BCL11A: variants seen among roughly 807,000 people sequenced by gnomAD.
BCL11A encodes B cell CLL/lymphoma 11A.
Under a neutral mutation model 55.9 loss-of-function variants are expected in BCL11A, and 2 were observed. The ratio of observed to expected loss-of-function variants is 0.04; its 90% CI spans 0.01 to 0.11. The LOEUF (loss-of-function observed/expected upper bound fraction) is 0.11, where lower values mean the gene tolerates loss of function less well. Among genes scored for constraint, BCL11A ranks in the 10% least tolerant of loss-of-function variants. BCL11A has a pLI of 1.00. For missense variants in BCL11A, 817 were observed against 1,137.1 expected (o/e 0.72, Z 4.05); for synonymous variants, 465 against 473.4 (o/e 0.98, Z 0.23).
chr2:60,504,428 C>T (rs1027206835), intron 2 of BCL11A, among the ~76,000 whole-genome samples: 9 of 152,202 alleles, frequency 5.9e-5, no homozygotes, highest in Admixed American at 6.5e-5. Context: ...TCCTCCTGGC[C>T]AGCCTGCTCT....
chr2:60,454,944 C>T (rs1675874539), downstream of BCL11A, among the ~76,000 whole-genome samples: 1 of 152,236 alleles, frequency 6.6e-6, no homozygotes, highest in African/African-American at 2.4e-5. Flanking sequence ...AACTACTTCA[C>T]ACTTTCTGCC....
intron 2 of BCL11A, among the ~76,000 whole-genome samples, chr2:60,505,245 G>T (rs1339515204): frequency 6.6e-6 from 1 of 152,236 alleles, no homozygotes. Flanking sequence ...AAAGCTAGAG[G>T]ATCGGAGAGA....
At chr2:60,525,103 C>A (rs1364880219) in intron 2 of BCL11A, 1 of 152,194 alleles carries the variant, frequency 6.6e-6, no homozygotes, top group African/African-American at 2.4e-5. Context: ...CATATGTAGG[C>A]TATGTCCATA....
At chr2:60,476,667 C>T (rs1279822469) in intron 2 of BCL11A, among the ~76,000 whole-genome samples, 1 of 152,228 alleles carries the variant, frequency 6.6e-6, no homozygotes, top group Non-Finnish European at 1.5e-5. Flanking sequence ...CTTCCAGGCT[C>T]ATTGAAAATT....
intron 2 of BCL11A, among the ~76,000 whole-genome samples, chr2:60,515,414 G>T (rs1668687210): frequency 6.6e-6 from 1 of 152,054 alleles, no homozygotes; most frequent in Non-Finnish European, 1.5e-5. Flanking sequence ...CACCAAGAAG[G>T]CACAAAAAAT....
At chr2:60,502,500 T>C (rs7582255) in intron 2 of BCL11A, among the ~76,000 whole-genome samples, 144 of 152,356 alleles carry the variant, frequency 9.5e-4, no homozygotes, top group African/African-American at 3.4e-3. Context: ...ACTTTGTACA[T>C]ACAATTCTGG....
intron 2 of BCL11A, among the ~76,000 whole-genome samples, chr2:60,529,050 C>G (rs549605643): frequency 6.6e-6 from 1 of 152,182 alleles, no homozygotes; most frequent in Non-Finnish European, 1.5e-5. Flanking sequence ...AGGCAACACA[C>G]GTCTATGGGG....
chr2:60,492,544 C>T (rs1481478905), intron 2 of BCL11A, among the ~76,000 whole-genome samples: 2 of 152,102 alleles, frequency 1.3e-5, no homozygotes, highest in Non-Finnish European at 2.9e-5. Context: ...CTCACATACT[C>T]ACCAGTACTC....
chr2:60,543,931 T>C (rs1433181011), intron 2 of BCL11A: 1 of 152,240 alleles, frequency 6.6e-6, no homozygotes, highest in Non-Finnish European at 1.5e-5. Context: ...ATACTTGTTC[T>C]TTAAAAAAAT....
Position 60,458,423 on chromosome 2 carries a change from T to A in BCL11A, c.*1981A>T, listed in dbSNP as rs1676047449. On this transcript the variant is annotated 3_prime_UTR_variant, in exon 4 of 4. Coordinates refer to ENST00000642384, the MANE Select transcript of BCL11A (RefSeq NM_022893.4). ...CCCCTAAACATAATGAAGTGTTTTT[T>A]AAAAAAAATTTTTCTTAACATTTAT... 2 of 1,020,666 alleles carry A rather than the reference T, an allele frequency of 2.0e-6. No homozygotes were observed. The highest frequency in any genetic ancestry group is 2.4e-6 in the Non-Finnish European group (2 of 849,606). 63.2% of individuals were successfully genotyped at this position (1,020,666 alleles called of 1,614,324 possible).
chr2:60,552,682 C>T (rs1670469102), intron 1 of BCL11A, among the ~76,000 whole-genome samples: 1 of 152,172 alleles, frequency 6.6e-6, no homozygotes, highest in Non-Finnish European at 1.5e-5. Context: ...GCACACTTGA[C>T]CGTGAGCGCG....
chr2:60,469,872 T>G (rs1045955105), intron 2 of BCL11A, among the ~76,000 whole-genome samples: 1 of 152,072 alleles, frequency 6.6e-6, no homozygotes, highest in Admixed American at 6.6e-5. Context: ...GTTCTAGAGG[T>G]TTGGAGTTCA....
At chr2:60,509,622 C>T (rs549155957) in intron 2 of BCL11A, among the ~76,000 whole-genome samples, 1 of 152,258 alleles carries the variant, frequency 6.6e-6, no homozygotes, top group African/African-American at 2.4e-5. Context: ...ATCAAAAGAT[C>T]AAGTTGTCTT....
At chr2:60,551,835 G>T (rs1017753260) in intron 1 of BCL11A, among the ~76,000 whole-genome samples, 2 of 150,400 alleles carry the variant, frequency 1.3e-5, no homozygotes, top group Non-Finnish European at 3.0e-5. Flanking sequence ...GTCGGGCAAG[G>T]CCCGGGCGAG....
chr2:60,480,185 T>G (rs961287548), intron 2 of BCL11A, among the ~76,000 whole-genome samples: 1 of 152,094 alleles, frequency 6.6e-6, no homozygotes, highest in Admixed American at 6.5e-5. Flanking sequence ...GCTGGGGACA[T>G]GAAGGCACTG....
At position 60,553,439 on chromosome 2, in the gene BCL11A, G is replaced by T; in HGVS notation, c.-169C>A. On this transcript the variant is annotated 5_prime_UTR_variant, in exon 1 of 4. It adds an upstream start codon to the 5' untranslated region. Coordinates refer to ENST00000642384, the MANE Select transcript of BCL11A (RefSeq NM_022893.4). ...TTAGAAATAATACAAAGATGGCGCAGGGAAGATGAATTGTGGGAGAGCCGT... is the reference window on the plus strand; with the variant it reads ...TTAGAAATAATACAAAGATGGCGCATGGAAGATGAATTGTGGGAGAGCCGT... 3 of 355,098 alleles carry T rather than the reference G, an allele frequency of 8.4e-6. No homozygotes were observed. Among genetic ancestry groups the T allele is most frequent in the Admixed American group, 5.7e-5 (1 of 17,562 alleles). The allele number at this position is 355,098 out of a possible 1,614,324, so 22.0% of individuals were successfully genotyped here. A position where few individuals can be genotyped will look rare whatever the true frequency, so the allele number is the denominator to read the frequency against.
chr2:60,458,576 A>G lies in BCL11A; in HGVS notation c.*1828T>C. 9.6e-7 allele frequency: 1 copy of G among 1,037,398 alleles called. No individual in the cohort carries two copies. The highest frequency in any genetic ancestry group is 4.6e-5 in the South Asian group (1 of 21,730). 64.3% of individuals were successfully genotyped at this position (1,037,398 alleles called of 1,614,324 possible). A position where few individuals can be genotyped will look rare whatever the true frequency, so the allele number is the denominator to read the frequency against. On this transcript the variant is annotated 3_prime_UTR_variant, in exon 4 of 4. Transcript: ENST00000642384. ...ATGTTGCGTCCAAGTAAGTAAGCTC[A>G]ATAGTCAAGTAAATGGCTGGCAAAG...
chr2:60,478,765 C>T (rs1413218086), intron 2 of BCL11A, among the ~76,000 whole-genome samples: 1 of 152,230 alleles, frequency 6.6e-6, no homozygotes, highest in Non-Finnish European at 1.5e-5. Flanking sequence ...TCTGGTGCTG[C>T]GAGGCCAGGC....
rs187957411 is a variant in BCL11A, at chr2:60,457,372, A to T, written c.*3032T>A. ...TGACCTTTGGTCATCTAAATAAAAA[A>T]AAAAATAAAAACAAAGAAAAATAAA... On this transcript the variant is annotated 3_prime_UTR_variant, in exon 4 of 4. Transcript: ENST00000642384. The T allele has an allele frequency of 4.3e-5, 44 of 1,023,616 alleles. No individual in the cohort carries two copies. The Admixed American group carries it at 6.9e-4, about 16-fold the overall frequency. 63.4% of individuals were successfully genotyped at this position (1,023,616 alleles called of 1,614,324 possible).
Sources: allele counts gnomAD v4.1 joint callset (sites outside exome capture counted in the v4.1 genomes callset), GRCh38; gene constraint gnomAD v4.1.1; transcripts MANE v1.5; gene names NCBI Gene and HGNC (gene_info 2026-07-23, HGNC 2026-07-21).